Variants in DAAM1 observed in about 807,000 individuals in gnomAD.
The protein encoded by DAAM1 is dishevelled associated activator of morphogenesis 1.
A neutral mutation model predicts 130.0 loss-of-function variants in DAAM1; 52 were observed. The observed-to-expected ratio is 0.40, with a 90% CI of 0.32 to 0.50. DAAM1 has a LOEUF of 0.50. Among genes scored for constraint, DAAM1 ranks in the 20% least tolerant of loss-of-function variants. DAAM1 has a pLI of 0.61. For missense variants in DAAM1, 1,134 were observed against 1,303.8 expected, an observed-to-expected ratio of 0.87 and a Z score of 2.01; for synonymous variants, 452 against 444.5, an observed-to-expected ratio of 1.02 and a Z score of -0.21.
At chr14:59,318,119 A>C (rs1344418261) in intron 4 of DAAM1, among the ~76,000 whole-genome samples, 1 of 152,114 alleles carries the variant, frequency 6.6e-6, no homozygotes, top group East Asian at 1.9e-4. Context: ...AGAGTGAAAA[A>C]TAGTATAATA....
chr14:59,301,382 C>T lies in DAAM1; in HGVS notation c.273+10076C>T, dbSNP rs113472797. 3.7e-3 allele frequency among the ~76,000 whole-genome samples: 564 copies of T among 152,000 alleles called. 3 individuals are homozygous for T. Among genetic ancestry groups the T allele is most frequent in the African/African-American group, 0.013 (529 of 41,502 alleles). On this transcript the variant is annotated intron_variant, in intron 3 of 24. Coordinates refer to ENST00000360909, the MANE Select transcript of DAAM1 (RefSeq NM_001270520.2). ...CAGAGCAAACCAAATAAATATTGAA[C>T]GAATTGTTCATATCGTTCAAATGAA... is the stretch of plus-strand genomic sequence containing the variant.
Position 59,246,374 on chromosome 14 carries a change from A to G in DAAM1, c.-37-17067A>G, listed in dbSNP as rs1348560029. Reference sequence around the variant, plus strand: ...TGTCTTCAACATTTACCCATGTAGCATGTGACAAGTTTTCCTTCCTTTTTA... The same window carrying G: ...TGTCTTCAACATTTACCCATGTAGCGTGTGACAAGTTTTCCTTCCTTTTTA... On this transcript the variant is annotated intron_variant, in intron 1 of 24. Coordinates refer to ENST00000360909, the MANE Select transcript of DAAM1 (RefSeq NM_001270520.2). Among the ~76,000 whole-genome samples, 5 of 152,202 alleles carry G rather than the reference A, an allele frequency of 3.3e-5. No individual in the cohort carries two copies. The South Asian group carries it at 1.0e-3, about 32-fold the overall frequency.
intron 1 of DAAM1, among the ~76,000 whole-genome samples, chr14:59,248,950 G>C (rs1881515680): frequency 6.6e-6 from 1 of 152,134 alleles, no homozygotes; most frequent in Non-Finnish European, 1.5e-5. Context: ...ACCACGCCCG[G>C]CTAATTTTTT....
At chr14:59,349,271 T>A (rs1044412989) in intron 17 of DAAM1, among the ~76,000 whole-genome samples, 14 of 152,378 alleles carry the variant, frequency 9.2e-5, no homozygotes, top group Admixed American at 3.9e-4. Flanking sequence ...GTTTTAAAAT[T>A]CCACAAGATC....
intron 2 of DAAM1, among the ~76,000 whole-genome samples, chr14:59,267,924 A>G (rs1292490128): frequency 7.5e-6 from 1 of 134,016 alleles, no homozygotes. Flanking sequence ...TTTTTTTGAG[A>G]CAGAGTCTCA....
At chr14:59,281,030 C>A (rs1883192036) in intron 2 of DAAM1, among the ~76,000 whole-genome samples, 1 of 134,972 alleles carries the variant, frequency 7.4e-6, no homozygotes, top group Admixed American at 7.1e-5. Flanking sequence ...CAGACATTTC[C>A]TGCAGGATGA....
intron 2 of DAAM1, among the ~76,000 whole-genome samples, chr14:59,290,369 C>G (rs1191761444): frequency 6.6e-6 from 1 of 152,152 alleles, no homozygotes; most frequent in African/African-American, 2.4e-5. Context: ...AAGCTTAAAA[C>G]ACGACTCCAC....
intron 3 of DAAM1, among the ~76,000 whole-genome samples, chr14:59,293,258 T>A (rs2139568826): frequency 6.6e-6 from 1 of 152,336 alleles, no homozygotes; most frequent in Middle Eastern, 3.4e-3. Flanking sequence ...TCCCAGATTT[T>A]ATTACACCCT....
intron 2 of DAAM1, among the ~76,000 whole-genome samples, chr14:59,269,350 C>A (rs570096685): frequency 6.6e-6 from 1 of 152,322 alleles, no homozygotes; most frequent in South Asian, 2.1e-4. Context: ...CAGCTCAGTA[C>A]CTCTCTGTAA....
At chr14:59,251,689 C>T (rs1013727851) in intron 1 of DAAM1, among the ~76,000 whole-genome samples, 20 of 152,108 alleles carry the variant, frequency 1.3e-4, no homozygotes, top group Admixed American at 8.5e-4. Context: ...GTGTTAGAGG[C>T]GACTGTCCTC....
At chr14:59,243,897 G>A (rs1881237528) in intron 1 of DAAM1, among the ~76,000 whole-genome samples, 2 of 152,178 alleles carry the variant, frequency 1.3e-5, no homozygotes, top group Non-Finnish European at 2.9e-5. Flanking sequence ...ATACCTGTAT[G>A]TCCCTGTTTC....
intron 2 of DAAM1, among the ~76,000 whole-genome samples, chr14:59,289,155 T>A (rs1344877123): frequency 6.6e-6 from 1 of 152,124 alleles, no homozygotes; most frequent in Admixed American, 6.5e-5. Flanking sequence ...GACCTCGTGA[T>A]CTGCCCGCCT....
At chr14:59,247,620 A>T (rs1290178309) in intron 1 of DAAM1, among the ~76,000 whole-genome samples, 2 of 152,090 alleles carry the variant, frequency 1.3e-5, no homozygotes, top group Non-Finnish European at 2.9e-5. Flanking sequence ...TTTAATTTTT[A>T]AAAAGACTAG....
At chr14:59,309,825 G>A (rs907198621) in intron 3 of DAAM1, among the ~76,000 whole-genome samples, 2 of 152,096 alleles carry the variant, frequency 1.3e-5, no homozygotes, top group Non-Finnish European at 2.9e-5. Flanking sequence ...TACTAGCAAG[G>A]CCGCCCACAA....
chr14:59,323,237 C>A lies in DAAM1; in HGVS notation c.774+12C>A. The stretch of plus-strand genomic sequence containing the variant: ...GGACCCGCTTTCAGGTGGGTGTTCG[C>A]TCAGCCTTCTTCACTCACCCCTTCT... On this transcript the variant is annotated intron_variant, in intron 6 of 24. Transcript: ENST00000360909. 1 of 1,581,344 alleles carries A rather than the reference C, an allele frequency of 6.3e-7. No homozygotes were observed. Among genetic ancestry groups the A allele is most frequent in the South Asian group, 1.2e-5 (1 of 85,794 alleles).
intron 3 of DAAM1, among the ~76,000 whole-genome samples, chr14:59,313,521 A>G (rs1477723258): frequency 6.6e-6 from 1 of 152,244 alleles, no homozygotes; most frequent in East Asian, 1.9e-4. Context: ...ACTGTTAAAT[A>G]TTAAGCTTAC....
chr14:59,206,665 GC>G (rs1425641629), intron 1 of DAAM1, among the ~76,000 whole-genome samples: 3 of 152,196 alleles, frequency 2.0e-5, no homozygotes, highest in Non-Finnish European at 4.4e-5. Context: ...TTTCTAGAAT[GC>G]CGGGTGTAAA....
Position 59,355,249 on chromosome 14 carries a change from T to C in DAAM1, c.2441T>C (p.Met814Thr), listed in dbSNP as rs952257927. Residue 814 changes from methionine (M) to threonine (T), a missense_variant, in exon 20 of 25, where the codon ATG (methionine) becomes ACG (threonine). Met to Thr is a moderately conservative substitution (Grantham distance 81). Coordinates refer to ENST00000360909, the MANE Select transcript of DAAM1 (RefSeq NM_001270520.2). Reference protein sequence around the residue: ...LEVVLAFGNYMNKGQRGNAYG... With the variant: ...LEVVLAFGNYTNKGQRGNAYG... Reference sequence around the variant, plus strand: ...GTGGTTTTGGCATTTGGAAATTATATGAATAAAGGTCAAAGAGGGAATGCA... The same window carrying C: ...GTGGTTTTGGCATTTGGAAATTATACGAATAAAGGTCAAAGAGGGAATGCA... 2.5e-6 allele frequency: 4 copies of C among 1,614,174 alleles called. No individual in the cohort carries two copies. Among genetic ancestry groups the C allele is most frequent in the South Asian group, 1.1e-5 (1 of 91,082 alleles).
intron 3 of DAAM1, among the ~76,000 whole-genome samples, chr14:59,304,123 C>T (rs1242597788): frequency 1.3e-5 from 2 of 152,140 alleles, no homozygotes. Context: ...CATACTTTCA[C>T]AGAAAGACTG....
Sources: gnomAD v4.1 joint callset for allele counts (sites outside exome capture counted in the v4.1 genomes callset) on GRCh38, gnomAD v4.1.1 for gene constraint, MANE v1.5 for transcripts, NCBI Gene and HGNC (gene_info 2026-07-23, HGNC 2026-07-21) for gene names.